The following KDM4C variants were observed in gnomAD, a reference collection of about 807,000 sequenced individuals.
KDM4C encodes the protein lysine-specific demethylase 4C.
A neutral mutation model predicts 129.3 loss-of-function variants in KDM4C; 81 were observed. That is an observed-to-expected ratio of 0.63 (90% CI 0.52 to 0.75). The LOEUF (loss-of-function observed/expected upper bound fraction) is 0.75. Among genes scored for constraint, KDM4C ranks in the 30% least tolerant of loss-of-function variants. KDM4C has a pLI of 0.00. For missense variants in KDM4C, 1,457 were observed against 1,304.0 expected (o/e 1.12, Z -1.81); for synonymous variants, 573 against 456.1 (o/e 1.26, Z -3.26).
intron 19 of KDM4C, among the ~76,000 whole-genome samples, chr9:7,133,673 C>T (rs758114709): frequency 5.1e-4 from 77 of 152,138 alleles, no homozygotes; most frequent in African/African-American, 1.2e-3. Context: ...AGGTAGAAGA[C>T]GCTGTGCCTG....
At chr9:6,770,707 C>T (rs1821608051) in intron 1 of KDM4C, among the ~76,000 whole-genome samples, 1 of 119,808 alleles carries the variant, frequency 8.3e-6, no homozygotes, top group Non-Finnish European at 1.8e-5. Context: ...TGTTTTTCAA[C>T]GTCTTTTTTT....
At chr9:7,024,007 T>C (rs1825340091) in intron 15 of KDM4C, among the ~76,000 whole-genome samples, 1 of 152,224 alleles carries the variant, frequency 6.6e-6, no homozygotes, top group Non-Finnish European at 1.5e-5. Context: ...CTTGATATTA[T>C]TGCACTTTTT....
intron 1 of KDM4C, among the ~76,000 whole-genome samples, chr9:6,791,654 A>G (rs1473361499): frequency 2.0e-5 from 3 of 152,208 alleles, no homozygotes; most frequent in African/African-American, 7.2e-5. Flanking sequence ...TTGTACAGGT[A>G]CGTATGTGAG....
chr9:6,771,462 C>T (rs138714854), intron 1 of KDM4C, among the ~76,000 whole-genome samples: 3,822 of 151,960 alleles, frequency 0.025, 150 homozygotes, highest in African/African-American at 0.088. Flanking sequence ...CAGGCATGCG[C>T]CACCATGCCC....
Position 6,835,562 on chromosome 9 carries a change from C to T in KDM4C, c.436-13945C>T, listed in dbSNP as rs1228068729. 4.6e-6 allele frequency: 5 copies of T among 1,084,696 alleles called. No individual in the cohort carries two copies. In the East Asian group the frequency reaches 1.2e-4, roughly 26 times the overall value. 67.2% of individuals were successfully genotyped at this position (1,084,696 alleles called of 1,614,324 possible). A position where few individuals can be genotyped will look rare whatever the true frequency, so the allele number is the denominator to read the frequency against. ...GATGAGTCCGGCTCCATCATCCATC[C>T]TTCAAATGCTTCTAGGCGGACTGTG... On this transcript the variant is annotated intron_variant, in intron 4 of 21. Transcript: ENST00000381309.
At chr9:6,819,429 T>C (rs1832654266) in intron 4 of KDM4C, among the ~76,000 whole-genome samples, 1 of 152,246 alleles carries the variant, frequency 6.6e-6, no homozygotes, top group African/African-American at 2.4e-5. Context: ...TTTTAAAACA[T>C]CCTCATCGTT....
At chr9:6,928,549 C>A (rs904291656) in intron 8 of KDM4C, among the ~76,000 whole-genome samples, 3 of 151,926 alleles carry the variant, frequency 2.0e-5, no homozygotes, top group African/African-American at 7.3e-5. Flanking sequence ...TCTATTATCA[C>A]TTCAAATGTT....
chr9:7,126,607 C>T (rs556370905), intron 18 of KDM4C, among the ~76,000 whole-genome samples: 3 of 152,234 alleles, frequency 2.0e-5, no homozygotes, highest in South Asian at 2.1e-4. Flanking sequence ...AATTGATATA[C>T]GCATGTGTGT....
At chr9:7,117,626 TACACACACAC>T (rs71315578) in intron 18 of KDM4C, among the ~76,000 whole-genome samples, 4,229 of 146,910 alleles carry the variant, frequency 0.029, 168 homozygotes, top group African/African-American at 0.086. Context: ...TGTTAATTTC[TACACACACAC>T]ACACACACAC....
At chr9:7,074,547 A>T (rs1301980265) in intron 17 of KDM4C, among the ~76,000 whole-genome samples, 1 of 152,160 alleles carries the variant, frequency 6.6e-6, no homozygotes, top group Non-Finnish European at 1.5e-5. Context: ...CGTATAAATG[A>T]TGTTTGACCA....
In KDM4C at chr9:6,984,180, G is replaced by T; in HGVS notation, c.1130G>T (p.Arg377Met). ...CTTGTTGACAGCTTCCAGTGTGCTA[G>T]GTCTACCTCTAAAAGGCCTAAGGCT... ...RKASRSFQCA[R>M]STSKRPKADE... Residue 377 changes from arginine (R) to methionine (M), a missense_variant, in exon 10 of 22, where the codon AGG becomes ATG. Transcript: ENST00000381309. 2 of 1,613,124 alleles carry T rather than the reference G, an allele frequency of 1.2e-6. No individual in the cohort carries two copies. Among genetic ancestry groups the T allele is most frequent in the Non-Finnish European group, 1.7e-6 (2 of 1,179,252 alleles).
chr9:6,976,728 T>C (rs1832985966), intron 8 of KDM4C, among the ~76,000 whole-genome samples: 1 of 152,222 alleles, frequency 6.6e-6, no homozygotes, highest in Non-Finnish European at 1.5e-5. Flanking sequence ...TAGAGTTTGA[T>C]TTAAAAATTT....
chr9:6,995,788 C>T (rs1260100390), intron 12 of KDM4C, among the ~76,000 whole-genome samples: 2 of 152,096 alleles, frequency 1.3e-5, no homozygotes, highest in Non-Finnish European at 2.9e-5. Context: ...TCTCCTACCT[C>T]AGCCTCCCAA....
Position 6,758,056 on chromosome 9 carries a change from G to T in KDM4C, c.-165G>T. 1 of 985,478 alleles carries T rather than the reference G, an allele frequency of 1.0e-6. No individual in the cohort carries two copies. Among genetic ancestry groups the T allele is most frequent in the Non-Finnish European group, 1.2e-6 (1 of 829,976 alleles). 61.0% of individuals were successfully genotyped at this position (985,478 alleles called of 1,614,324 possible). On this transcript the variant is annotated 5_prime_UTR_variant, in exon 1 of 22. Transcript: ENST00000381309. The surrounding 1 kb of genome is among the most constrained non-coding windows in gnomAD (Gnocchi z 4.6). ...GTGAGGCGCGGCGCAGTGATCGGGC[G>T]GCCGGGGTCCTGTGCGCGTGCGCAG...
At chr9:7,059,312 A>G (rs1416760336) in intron 17 of KDM4C, among the ~76,000 whole-genome samples, 2 of 152,116 alleles carry the variant, frequency 1.3e-5, no homozygotes, top group Non-Finnish European at 2.9e-5. Flanking sequence ...TGTGTTGCCC[A>G]GGGTGGTCTC....
At chr9:6,850,059 A>G (rs920066321) in intron 5 of KDM4C, among the ~76,000 whole-genome samples, 18 of 152,246 alleles carry the variant, frequency 1.2e-4, no homozygotes, top group Non-Finnish European at 1.8e-4. Context: ...AAAATTGCCT[A>G]CAATATTTAG....
chr9:6,908,120 AATGGATGTAACTTAATGTAGTAAGGGCT>A (rs1252508490), intron 8 of KDM4C, among the ~76,000 whole-genome samples: 25 of 152,188 alleles, frequency 1.6e-4, no homozygotes, highest in African/African-American at 5.5e-4. Context: ...AGATGATAAA[AATGGATGTAACTTAATGTAGTAAGGGCT>A]ATTTATACTA....
At chr9:6,772,447 C>T (rs146557458) in intron 1 of KDM4C, among the ~76,000 whole-genome samples, 14,580 of 152,176 alleles carry the variant, frequency 0.096, 818 homozygotes, top group Non-Finnish European at 0.11. Flanking sequence ...CCGCAACCTC[C>T]GCCTCCTGCG....
intron 5 of KDM4C, among the ~76,000 whole-genome samples, chr9:6,875,258 C>T (rs1843376346): frequency 6.6e-6 from 1 of 152,144 alleles, no homozygotes; most frequent in Non-Finnish European, 1.5e-5. Context: ...AAGCCATAGA[C>T]CCTTCCTCTT....
Sources: allele counts gnomAD v4.1 joint callset (sites outside exome capture counted in the v4.1 genomes callset), GRCh38; gene constraint gnomAD v4.1.1; non-coding constraint Gnocchi (gnomAD v3.1); transcripts MANE v1.5; gene names NCBI Gene and HGNC (gene_info 2026-07-23, HGNC 2026-07-21).